PLTP: variants seen among roughly 807,000 people sequenced by gnomAD.
PLTP encodes the protein phospholipid transfer protein.
A neutral mutation model predicts 54.1 loss-of-function variants in PLTP; 43 were observed. That is an observed-to-expected ratio of 0.79 (90% CI 0.62 to 1.02). The LOEUF is 1.02. Ranked by LOEUF, PLTP falls within the 50% of genes least tolerant of loss-of-function variation. PLTP has a pLI of 0.00. For synonymous variants in PLTP, 263 were observed against 264.6 expected, an observed-to-expected ratio of 0.99 and a Z score of 0.06; for missense variants, 604 against 645.9, an observed-to-expected ratio of 0.94 and a Z score of 0.70.
chr20:45,899,701 G>A lies in PLTP; in HGVS notation c.1219-16C>T. 7.4e-6 allele frequency: 12 copies of A among 1,614,128 alleles called. No homozygotes were observed. The highest frequency in any genetic ancestry group is 1.0e-5 in the Non-Finnish European group (12 of 1,179,986). Reference sequence around the variant, plus strand: ...ATGGGATCAGCTGGGAGGGGCGAGGGCGGAAACAGGGCAGTGAGTCAGGGT... The same window carrying A: ...ATGGGATCAGCTGGGAGGGGCGAGGACGGAAACAGGGCAGTGAGTCAGGGT... On this transcript the variant is annotated splice_polypyrimidine_tract_variant and intron_variant, in intron 13 of 15. Coordinates refer to ENST00000372431, the MANE Select transcript of PLTP (RefSeq NM_006227.4).
In PLTP at chr20:45,899,666, G is replaced by C; in HGVS notation, c.1238C>G (p.Pro413Arg). Reference sequence around the variant, plus strand: ...CCCAATCTGCAGCATGGTCTTCAGAGGGGCCTGTAATGGGATCAGCTGGGA... The same window carrying C: ...CCCAATCTGCAGCATGGTCTTCAGACGGGCCTGTAATGGGATCAGCTGGGA... Reference protein sequence around the residue: ...ESLALIPLQAPLKTMLQIGVM... With the variant: ...ESLALIPLQARLKTMLQIGVM... Residue 413 changes from proline (P) to arginine (R), a missense_variant, in exon 14 of 16, where the codon CCT (proline) becomes CGT (arginine). Transcript: ENST00000372431. 1.9e-6 allele frequency: 3 copies of C among 1,613,964 alleles called. No individual in the cohort carries two copies. The highest frequency in any genetic ancestry group is 2.5e-6 in the Non-Finnish European group (3 of 1,179,980).
intron 3 of PLTP, among the ~76,000 whole-genome samples, chr20:45,910,325 T>C (rs1469004650): frequency 2.0e-5 from 3 of 152,058 alleles, no homozygotes; most frequent in Non-Finnish European, 4.4e-5. Flanking sequence ...GTCTTGTTTG[T>C]TTGTTTGCCA....
Position 45,909,499 on chromosome 20 carries a change from TTGGGGC to T in PLTP, c.485+11_485+16del. ...GGGGCTCGAAAAGGGTGAGCTGGGG[TTGGGGC>T]TGGGGCTTACTTGAAGGTTCCCCCG... On this transcript the variant is annotated intron_variant, in intron 5 of 15. Coordinates refer to ENST00000372431, the MANE Select transcript of PLTP (RefSeq NM_006227.4). 2 of 1,613,658 alleles carry T rather than the reference TTGGGGC, an allele frequency of 1.2e-6. 1 individual carries two copies. The highest frequency in any genetic ancestry group is 4.5e-5 in the East Asian group (2 of 44,870).
chr20:45,903,286 A>G (rs759280754), intron 10 of PLTP, among the ~76,000 whole-genome samples: 4 of 151,934 alleles, frequency 2.6e-5, no homozygotes, highest in African/African-American at 4.8e-5. Context: ...TGCAGCCTCA[A>G]CCTCCTCAGC....
chr20:45,911,698 A>T, intron 1 of PLTP: 1 of 598,890 alleles, frequency 1.7e-6, no homozygotes, highest in Non-Finnish European at 2.9e-6. Flanking sequence ...GGACGTTCCC[A>T]GTTCCCTCGT....
At chr20:45,907,271 G>A (rs1380288399) in intron 7 of PLTP, among the ~76,000 whole-genome samples, 2 of 150,518 alleles carry the variant, frequency 1.3e-5, no homozygotes, top group African/African-American at 4.9e-5. Flanking sequence ...AGATTGCAGT[G>A]AGCTGAGATC....
At chr20:45,902,419 C>T (rs2083195475) in intron 11 of PLTP, 21 bp downstream of exon 11, 2 of 1,614,050 alleles carry the variant, frequency 1.2e-6, no homozygotes, top group Non-Finnish European at 1.7e-6. Context: ...CAGCCAGCAG[C>T]CCCCACTCTG....
rs1266579806 is a variant in PLTP at position 45,899,048 on chromosome 20, C to T, written c.1375G>A (p.Gly459Arg). 8.7e-6 allele frequency: 14 copies of T among 1,614,018 alleles called. No homozygotes were observed. The highest frequency in any genetic ancestry group is 4.5e-5 in the East Asian group (2 of 44,896). ...VTNHAGFLTI[G>R]ADLHFAKGLR... is the part of the protein sequence containing the mutation. The stretch of plus-strand genomic sequence containing the variant: ...CCTTTGGCAAAGTGGAGATCAGCCC[C>T]GATGGTGAGGAATCCCTGTGTTGGG... Residue 459 changes from glycine (G) to arginine (R), a missense_variant, in exon 16 of 16, where the codon GGG becomes AGG. Coordinates refer to ENST00000372431, the MANE Select transcript of PLTP (RefSeq NM_006227.4).
intron 4 of PLTP, 116 bp from the exon 5 acceptor site, chr20:45,909,787 C>G: frequency 6.9e-7 from 1 of 1,447,612 alleles, no homozygotes; most frequent in East Asian, 2.3e-5. Context: ...CCTACCAAAC[C>G]TTCCTATCAA....
At chr20:45,901,890 ACTC>A (rs1882489718) in intron 12 of PLTP, among the ~76,000 whole-genome samples, 1 of 127,850 alleles carries the variant, frequency 7.8e-6, no homozygotes. Context: ...CAAGAGCGAA[ACTC>A]CTTCTCAAAA....
intron 4 of PLTP, 116 bp from the exon 5 acceptor site, chr20:45,909,787 C>T (rs2083273297): frequency 7.6e-6 from 11 of 1,447,610 alleles, no homozygotes; most frequent in Non-Finnish European, 9.7e-6. Context: ...CCTACCAAAC[C>T]TTCCTATCAA....
In PLTP at chr20:45,898,900, T is replaced by C; in HGVS notation, c.*41A>G. ...TGGGAAAAGAGGGGCTGAGAGGGGT[T>C]GGGGTCCTGAATGACAGCTGCCAGC... On this transcript the variant is annotated 3_prime_UTR_variant, in exon 16 of 16. Transcript: ENST00000372431. The surrounding 1 kb of genome is among the most constrained non-coding windows in gnomAD (Gnocchi z 4.6). 6.2e-7 allele frequency: 1 copy of C among 1,608,942 alleles called. No homozygotes were observed. The highest frequency in any genetic ancestry group is 8.5e-7 in the Non-Finnish European group (1 of 1,176,672).
intron 3 of PLTP, 176 bp downstream of exon 3, chr20:45,910,976 T>A: frequency 6.7e-7 from 1 of 1,497,862 alleles, no homozygotes; most frequent in South Asian, 1.3e-5. Flanking sequence ...CCGCCTATGA[T>A]GACTGGCTTG....
rs2083283313 is a variant in PLTP, at chr20:45,910,858, T to C, written c.200+294A>G. ...ACTCCACTCTCATCTATTGGGAAGT[T>C]CCTTGACTCCACCTTTCTGTTGTTC... On this transcript the variant is annotated intron_variant, in intron 3 of 15. Coordinates refer to ENST00000372431, the MANE Select transcript of PLTP (RefSeq NM_006227.4). 9.2e-6 allele frequency: 12 copies of C among 1,310,826 alleles called. No individual in the cohort carries two copies. The South Asian group carries it at 1.5e-4, about 17-fold the overall frequency. The allele number at this position is 1,310,826 out of a possible 1,614,324, so 81.2% of individuals were successfully genotyped here. A position where few individuals can be genotyped will look rare whatever the true frequency, so the allele number is the denominator to read the frequency against.
At chr20:45,899,810 C>CCCCCCCCCCCCCCAAA in intron 13 of PLTP, 26 bp downstream of exon 13, 1 of 1,134,806 alleles carries the variant, frequency 8.8e-7, no homozygotes, top group Non-Finnish European at 1.3e-6. Flanking sequence ...GAACCCAGCC[C>CCCCCCCCCCCCCCAAA]AGCCCACCCA....
chr20:45,905,020 G>C lies in PLTP; in HGVS notation c.804C>G (p.Phe268Leu). 6.2e-7 allele frequency: 1 copy of C among 1,614,204 alleles called. No homozygotes were observed. Among genetic ancestry groups the C allele is most frequent in the Non-Finnish European group, 8.5e-7 (1 of 1,180,042 alleles). The change falls in exon 9 of 16, where the codon TTC becomes TTG. Residue 268 changes from phenylalanine to leucine, a missense_variant. By Grantham distance (22) the Phe-to-Leu change is conservative (BLOSUM62 0). Coordinates refer to ENST00000372431, the MANE Select transcript of PLTP (RefSeq NM_006227.4). ...QEEERMVYVA[F>L]SEFFFDSAME... The stretch of plus-strand genomic sequence containing the variant: ...TGGCAGAGTCGAAGAAGAACTCAGA[G>C]AAGGCCACATACACCATCCGCTCTT...
intron 12 of PLTP, among the ~76,000 whole-genome samples, chr20:45,900,221 C>T (rs1422590709): frequency 6.7e-6 from 1 of 148,292 alleles, no homozygotes; most frequent in Non-Finnish European, 1.5e-5. Flanking sequence ...TCTCCTGGCT[C>T]AGCCTCCCGA....
intron 5 of PLTP, among the ~76,000 whole-genome samples, chr20:45,909,121 C>T (rs1487688152): frequency 6.6e-6 from 1 of 151,876 alleles, no homozygotes; most frequent in East Asian, 2.0e-4. Context: ...CGTGCCACCA[C>T]GCCCAGCTAA....
At chr20:45,911,017 T>C (rs1015994182) in intron 3 of PLTP, 135 bp downstream of exon 3, 4 of 1,588,676 alleles carry the variant, frequency 2.5e-6, no homozygotes, top group Non-Finnish European at 3.4e-6. Flanking sequence ...ATCCGGTTTC[T>C]TAAGTCTTGC....
Sources: gnomAD v4.1 joint callset for allele counts (sites outside exome capture counted in the v4.1 genomes callset) on GRCh38, gnomAD v4.1.1 for gene constraint, Gnocchi (gnomAD v3.1) non-coding constraint, MANE v1.5 for transcripts, NCBI Gene and HGNC (gene_info 2026-07-23, HGNC 2026-07-21) for gene names.